Variants in SAMD5 observed in about 807,000 individuals in gnomAD.
The protein encoded by SAMD5 is sterile alpha motif domain-containing protein 5.
SAMD5 carries 13 observed loss-of-function variants against 11.3 expected under a neutral mutation model. The observed-to-expected ratio is 1.15, with a 90% CI of 0.75 to 1.83. SAMD5 has a LOEUF of 1.83. SAMD5 is among the 40% of genes most tolerant of loss of function. The probability of loss-of-function intolerance (pLI) is 0.00; values close to 1 mark genes in which losing one functional copy is unlikely to be tolerated. For missense variants in SAMD5, 255 were observed against 239.1 expected (o/e 1.07, Z -0.44); for synonymous variants, 129 against 111.3 (o/e 1.16, Z -1.00).
At chr6:147,649,947 A>G (rs1227676955) in intron 1 of SAMD5, among the ~76,000 whole-genome samples, 2 of 152,240 alleles carry the variant, frequency 1.3e-5, no homozygotes, top group Non-Finnish European at 2.9e-5. Context: ...TAATAAGGGT[A>G]TAAGTGTACC....
intron 1 of SAMD5, among the ~76,000 whole-genome samples, chr6:147,560,664 A>C (rs1298203307): frequency 2.6e-5 from 4 of 152,222 alleles, no homozygotes; most frequent in African/African-American, 7.2e-5. Flanking sequence ...AACAGACTTG[A>C]AGTCAGTTAA....
intron 1 of SAMD5, among the ~76,000 whole-genome samples, chr6:147,555,752 A>G (rs1788845285): frequency 6.6e-6 from 1 of 152,232 alleles, no homozygotes; most frequent in Non-Finnish European, 1.5e-5. Flanking sequence ...AGAAAAGTTC[A>G]TTGATATGGT....
Position 147,568,546 on chromosome 6 carries a change from C to T in SAMD5, c.*4090C>T. On this transcript the variant is annotated 3_prime_UTR_variant, in exon 2 of 2. Transcript: ENST00000367474. ...AGAAATAAGTGAAAGTCTGACCCTA[C>T]ATTGCCAATTCTCAGACCAAGTACA... 1.0e-6 allele frequency: 1 copy of T among 985,354 alleles called. No homozygotes were observed. The highest frequency in any genetic ancestry group is 1.2e-6 in the Non-Finnish European group (1 of 829,876). The allele number at this position is 985,354 out of a possible 1,614,324, so 61.0% of individuals were successfully genotyped here.
At chr6:147,629,773 G>A (rs6935781) in intron 1 of SAMD5, among the ~76,000 whole-genome samples, 72,274 of 151,804 alleles carry the variant, frequency 0.48, 17,660 homozygotes, top group Middle Eastern at 0.57. Flanking sequence ...TCTTCTTGTG[G>A]GGCTGTGTCA....
chr6:147,659,200 T>G (rs1173663482), intron 1 of SAMD5, among the ~76,000 whole-genome samples: 1 of 152,158 alleles, frequency 6.6e-6, no homozygotes, highest in African/African-American at 2.4e-5. Context: ...AGGTATTCTT[T>G]GGGGAAATGA....
intron 1 of SAMD5, among the ~76,000 whole-genome samples, chr6:147,727,513 G>A (rs538864666): frequency 6.6e-6 from 1 of 152,186 alleles, no homozygotes; most frequent in South Asian, 2.1e-4. Flanking sequence ...TTTTTTCAGG[G>A]TTCAGCACAA....
At chr6:147,800,474 C>T in the SAMD5 span, among the ~76,000 whole-genome samples, 2 of 152,208 alleles carry the variant, frequency 1.3e-5, no homozygotes, top group African/African-American at 4.8e-5. Flanking sequence ...CTCTTCAAAG[C>T]TGTCAGACAG....
chr6:147,939,823 T>TAAA, the SAMD5 span, among the ~76,000 whole-genome samples: 18 of 151,612 alleles, frequency 1.2e-4, no homozygotes, highest in East Asian at 1.8e-3. Context: ...TTTTTTTTTT[T>TAAA]AATTTTTTAG....
intron 1 of SAMD5, among the ~76,000 whole-genome samples, chr6:147,736,729 T>A (rs920795479): frequency 6.6e-6 from 1 of 152,188 alleles, no homozygotes; most frequent in African/African-American, 2.4e-5. Context: ...CTAGGTATAT[T>A]ATATTCAAAA....
chr6:147,560,557 TA>T (rs1408603049), intron 1 of SAMD5, among the ~76,000 whole-genome samples: 1 of 152,208 alleles, frequency 6.6e-6, no homozygotes, highest in Admixed American at 6.5e-5. Flanking sequence ...TCCTTTAGAA[TA>T]ATGTCACAAT....
At chr6:147,932,472 C>T in the SAMD5 span, among the ~76,000 whole-genome samples, 245 of 152,206 alleles carry the variant, frequency 1.6e-3, 1 homozygote, top group Middle Eastern at 0.01. Flanking sequence ...TCCTAGCAAA[C>T]ACTGTGAATG....
intron 1 of SAMD5, among the ~76,000 whole-genome samples, chr6:147,702,164 G>GC (rs1404975216): frequency 1.3e-5 from 2 of 152,196 alleles, no homozygotes; most frequent in African/African-American, 4.8e-5. Flanking sequence ...GAAAGCATGT[G>GC]TGGGGAAAAA....
chr6:147,953,991 C>A, the SAMD5 span: 1 of 152,232 alleles, frequency 6.6e-6, no homozygotes, highest in Admixed American at 6.5e-5. Context: ...TATAGATGAG[C>A]CACTTTGGAA....
the SAMD5 span, among the ~76,000 whole-genome samples, chr6:147,919,207 G>A: frequency 2.6e-5 from 4 of 152,246 alleles, no homozygotes; most frequent in East Asian, 1.9e-4. Context: ...AAGAAGCCAC[G>A]TGTTACGAAT....
chr6:147,833,246 C>T, the SAMD5 span, among the ~76,000 whole-genome samples: 50 of 152,292 alleles, frequency 3.3e-4, no homozygotes, highest in East Asian at 6.4e-3. Context: ...TCATTTTATA[C>T]TTATTTCTTC....
the SAMD5 span, among the ~76,000 whole-genome samples, chr6:147,763,489 A>G: frequency 6.7e-6 from 1 of 150,274 alleles, no homozygotes; most frequent in African/African-American, 2.5e-5. Context: ...TTTATTAACC[A>G]GAGTCTATGC....
At chr6:147,803,311 T>C in the SAMD5 span, among the ~76,000 whole-genome samples, 3 of 152,132 alleles carry the variant, frequency 2.0e-5, no homozygotes, top group Admixed American at 2.0e-4. Context: ...TCCTGATCAT[T>C]CCACTTGTAA....
At chr6:147,747,005 C>T in the SAMD5 span, among the ~76,000 whole-genome samples, 1 of 152,190 alleles carries the variant, frequency 6.6e-6, no homozygotes, top group Non-Finnish European at 1.5e-5. Context: ...GTAACAGTCA[C>T]AGGCTGTTAA....
chr6:147,877,910 GCTA>G, the SAMD5 span, among the ~76,000 whole-genome samples: 1 of 78,846 alleles, frequency 1.3e-5, no homozygotes, highest in Admixed American at 1.3e-4. Context: ...TAGATAGATA[GCTA>G]GCTAGCTAGC....
Sources: allele counts gnomAD v4.1 joint callset (sites outside exome capture counted in the v4.1 genomes callset), GRCh38; gene constraint gnomAD v4.1.1; transcripts MANE v1.5; gene names NCBI Gene and HGNC (gene_info 2026-07-23, HGNC 2026-07-21).